The following NAV2 variants were observed in gnomAD, a reference collection of about 807,000 sequenced individuals.
NAV2 encodes the protein neuron navigator 2.
A neutral mutation model predicts 223.2 loss-of-function variants in NAV2; 54 were observed. That is an observed-to-expected ratio of 0.24 (90% CI 0.19 to 0.30). The LOEUF (loss-of-function observed/expected upper bound fraction) is 0.30. Among genes scored for constraint, NAV2 ranks in the 10% least tolerant of loss-of-function variants. The pLI, the probability that NAV2 is intolerant of heterozygous loss-of-function variation, is 1.00. For synonymous variants in NAV2, 1,279 were observed against 1,239.3 expected, an observed-to-expected ratio of 1.03 and a Z score of -0.67; for missense variants, 2,806 against 3,147.5, an observed-to-expected ratio of 0.89 and a Z score of 2.60.
chr11:19,690,855 A>G (rs1427916334), intron 1 of NAV2, among the ~76,000 whole-genome samples: 1 of 152,190 alleles, frequency 6.6e-6, no homozygotes, highest in Non-Finnish European at 1.5e-5. Flanking sequence ...ACCCAAAGTC[A>G]CACAGCAATT....
intron 12 of NAV2, among the ~76,000 whole-genome samples, chr11:20,042,049 C>A (rs2056967759): frequency 6.6e-6 from 1 of 152,144 alleles, no homozygotes. Flanking sequence ...GGTGGGAAAT[C>A]AGTCTTATCC....
chr11:20,075,474 C>T (rs192368691), intron 22 of NAV2, among the ~76,000 whole-genome samples: 1 of 152,148 alleles, frequency 6.6e-6, no homozygotes, highest in African/African-American at 2.4e-5. Flanking sequence ...ATCTCCTGAC[C>T]TCAGGGTCCG....
At chr11:20,082,586 T>G (rs2060159470) in intron 25 of NAV2, 1 of 1,613,968 alleles carries the variant, frequency 6.2e-7, no homozygotes, top group Admixed American at 1.7e-5. Flanking sequence ...GCGTTTTCTC[T>G]GGCAGGTCAA....
chr11:20,087,439 T>A (rs539216819), intron 26 of NAV2, among the ~76,000 whole-genome samples: 1 of 152,226 alleles, frequency 6.6e-6, no homozygotes, highest in South Asian at 2.1e-4. Context: ...AATGTGCAAA[T>A]CTAGATGTGA....
At chr11:19,529,873 A>G (rs2043971194) in intron 1 of NAV2, among the ~76,000 whole-genome samples, 1 of 152,224 alleles carries the variant, frequency 6.6e-6, no homozygotes, top group African/African-American at 2.4e-5. Context: ...TTTAGAGTGG[A>G]ACACAAAGCG....
chr11:19,820,989 G>A (rs939286266), intron 1 of NAV2, among the ~76,000 whole-genome samples: 3 of 152,212 alleles, frequency 2.0e-5, no homozygotes, highest in East Asian at 1.9e-4. Context: ...AGGGCCGGGC[G>A]CAGTGGCTCA....
chr11:20,019,939 C>A (rs1322788893), intron 11 of NAV2, among the ~76,000 whole-genome samples: 1 of 148,354 alleles, frequency 6.7e-6, no homozygotes, highest in Non-Finnish European at 1.5e-5. Context: ...GATCACGGAA[C>A]ATGAGAAGTA....
chr11:19,887,002 C>T (rs998381583), intron 5 of NAV2, among the ~76,000 whole-genome samples: 1 of 152,136 alleles, frequency 6.6e-6, no homozygotes, highest in Non-Finnish European at 1.5e-5. Flanking sequence ...TCCCCACCCC[C>T]AGCCTTGAGC....
intron 11 of NAV2, among the ~76,000 whole-genome samples, chr11:20,021,197 T>C (rs184824923): frequency 6.6e-6 from 1 of 152,356 alleles, no homozygotes; most frequent in African/African-American, 2.4e-5. Context: ...ATTTATTTTA[T>C]AGTTCTACCA....
At chr11:19,796,503 A>G (rs949581460) in intron 1 of NAV2, among the ~76,000 whole-genome samples, 9 of 152,172 alleles carry the variant, frequency 5.9e-5, no homozygotes, top group African/African-American at 2.2e-4. Context: ...CTTCATCTGA[A>G]TGTGATTTCT....
intron 1 of NAV2, among the ~76,000 whole-genome samples, chr11:19,475,000 C>G (rs2042073306): frequency 6.6e-6 from 1 of 152,222 alleles, no homozygotes; most frequent in African/African-American, 2.4e-5. Flanking sequence ...ATGAGTTGGT[C>G]AAATGAACAA....
Position 20,043,975 on chromosome 11 carries a change from C to T in NAV2, c.2908-6C>T, listed in dbSNP as rs1398036593. 6.2e-7 allele frequency: 1 copy of T among 1,612,206 alleles called. No individual in the cohort carries two copies. Among genetic ancestry groups the T allele is most frequent in the Admixed American group, 1.7e-5 (1 of 59,988 alleles). On this transcript the variant is annotated splice_polypyrimidine_tract_variant and splice_region_variant and intron_variant, in intron 12 of 37. Transcript: ENST00000349880. ...AAGGACTAATTCAGAGAGTCTCTGT[C>T]CACAGACTGATGCTGAGAAGCACTC...
intron 11 of NAV2, among the ~76,000 whole-genome samples, chr11:20,020,149 A>C (rs930882949): frequency 2.0e-5 from 3 of 152,238 alleles, no homozygotes; most frequent in Non-Finnish European, 4.4e-5. Flanking sequence ...ATTAGAAATA[A>C]GTGAACATCT....
At chr11:20,001,655 T>C (rs1565740007) in intron 11 of NAV2, among the ~76,000 whole-genome samples, 1 of 124,562 alleles carries the variant, frequency 8.0e-6, no homozygotes, top group Non-Finnish European at 1.6e-5. Context: ...AATTGAACAA[T>C]GAGAACACTC....
At chr11:19,804,906 T>A (rs1200011918) in intron 1 of NAV2, among the ~76,000 whole-genome samples, 2 of 152,186 alleles carry the variant, frequency 1.3e-5, no homozygotes, top group African/African-American at 4.8e-5. Flanking sequence ...GCATTCCCAC[T>A]GCAGGAGTAA....
At chr11:19,920,611 G>A (rs1346596661) in intron 6 of NAV2, among the ~76,000 whole-genome samples, 1 of 152,136 alleles carries the variant, frequency 6.6e-6, no homozygotes, top group Non-Finnish European at 1.5e-5. Context: ...AAAGCACTTA[G>A]TACAGTGCCT....
intron 1 of NAV2, among the ~76,000 whole-genome samples, chr11:19,526,600 C>T (rs961490723): frequency 2.0e-5 from 3 of 152,080 alleles, no homozygotes; most frequent in Admixed American, 6.6e-5. Context: ...TCTTACTTGC[C>T]TGGTGTGCTT....
chr11:19,373,430 C>A (rs1275701544), intron 1 of NAV2, among the ~76,000 whole-genome samples: 1 of 152,170 alleles, frequency 6.6e-6, no homozygotes, highest in Non-Finnish European at 1.5e-5. Context: ...CTTGAATCTG[C>A]CAACAATTCC....
intron 1 of NAV2, among the ~76,000 whole-genome samples, chr11:19,463,756 C>T (rs1852246903): frequency 6.6e-6 from 1 of 151,782 alleles, no homozygotes; most frequent in African/African-American, 2.4e-5. Context: ...GCAGGGAATA[C>T]AAGGTTTTGG....
Sources: allele counts gnomAD v4.1 joint callset (sites outside exome capture counted in the v4.1 genomes callset), GRCh38; gene constraint gnomAD v4.1.1; transcripts MANE v1.5; gene names NCBI Gene and HGNC (gene_info 2026-07-23, HGNC 2026-07-21).